Variants in GCSAML observed in about 807,000 individuals in gnomAD.
GCSAML encodes the protein germinal center-associated signaling and motility-like protein.
In GCSAML, 9 loss-of-function variants were observed where a neutral mutation model predicts 13.0. The observed-to-expected ratio is 0.69, with a 90% CI of 0.42 to 1.21. The LOEUF (loss-of-function observed/expected upper bound fraction) is 1.21. GCSAML is among the 50% of genes most tolerant of loss of function. The pLI is 0.00. For missense variants in GCSAML, 143 were observed against 153.4 expected (o/e 0.93, Z 0.36); for synonymous variants, 37 against 52.9 (o/e 0.70, Z 1.31).
At chr1:247,522,111 C>A (rs1217414067) in intron 1 of GCSAML, among the ~76,000 whole-genome samples, 2 of 151,856 alleles carry the variant, frequency 1.3e-5, no homozygotes, top group African/African-American at 2.4e-5. Flanking sequence ...TGGCAGCCGC[C>A]CCGTCTGAGA....
At chr1:247,531,687 T>C (rs990767156) in intron 2 of GCSAML, 1 of 1,614,016 alleles carries the variant, frequency 6.2e-7, no homozygotes, top group Non-Finnish European at 8.5e-7. Context: ...AGAACAGAGC[T>C]ATGAACTTGC....
At position 247,560,400 on chromosome 1, in the gene GCSAML, G is replaced by A. The variant is rs547928216; in HGVS notation, c.90-3190G>A. ...TGGAGAGTAATACAGTTCTTGGATCGTATCTTTCTCCTCACAACTTAGTGA... is the reference window on the plus strand; with the variant it reads ...TGGAGAGTAATACAGTTCTTGGATCATATCTTTCTCCTCACAACTTAGTGA... On this transcript the variant is annotated intron_variant, in intron 2 of 4. Transcript: ENST00000366488. 3.1e-4 allele frequency among the ~76,000 whole-genome samples: 47 copies of A among 152,212 alleles called. 1 individual carries two copies. The Middle Eastern group carries it at 0.024, about 77-fold the overall frequency.
At chr1:247,563,044 C>G (rs370298624) in intron 2 of GCSAML, among the ~76,000 whole-genome samples, 1 of 145,264 alleles carries the variant, frequency 6.9e-6, no homozygotes, top group Non-Finnish European at 1.5e-5. Flanking sequence ...GAGACGGGGT[C>G]TCACCGTGTT....
chr1:247,525,908 A>AT (rs1666664349), intron 1 of GCSAML: 1 of 152,186 alleles, frequency 6.6e-6, no homozygotes, highest in Non-Finnish European at 1.5e-5. Context: ...GAATCCAAGG[A>AT]TTTTAGTAGT....
intron 1 of GCSAML, among the ~76,000 whole-genome samples, chr1:247,514,497 G>A (rs752221788): frequency 2.0e-5 from 3 of 152,034 alleles, no homozygotes; most frequent in Non-Finnish European, 4.4e-5. Context: ...ATTTATCTTT[G>A]TTTTTGTTCC....
At chr1:247,522,636 C>G (rs1367930162) in intron 1 of GCSAML, among the ~76,000 whole-genome samples, 1 of 152,190 alleles carries the variant, frequency 6.6e-6, no homozygotes, top group Non-Finnish European at 1.5e-5. Flanking sequence ...CTCTCTGAAA[C>G]ATGTGCTGTG....
intron 2 of GCSAML, among the ~76,000 whole-genome samples, chr1:247,539,336 A>G (rs1162341541): frequency 1.3e-5 from 2 of 152,190 alleles, no homozygotes; most frequent in Non-Finnish European, 2.9e-5. Context: ...AGTTTTGGGC[A>G]CTGTGACATC....
intron 1 of GCSAML, among the ~76,000 whole-genome samples, chr1:247,516,020 A>G (rs1666198204): frequency 6.6e-6 from 1 of 152,194 alleles, no homozygotes; most frequent in Non-Finnish European, 1.5e-5. Flanking sequence ...TTAGGGTATG[A>G]TGTTTAGGCT....
At chr1:247,536,327 T>G (rs1667215870) in intron 2 of GCSAML, 1 of 152,194 alleles carries the variant, frequency 6.6e-6, no homozygotes. Flanking sequence ...CTGCAAATAG[T>G]GGAAATCTCT....
rs761829714 is a variant in GCSAML at position 247,532,054 on chromosome 1, C to T, written c.-148+5000C>T. 8 of 1,613,730 alleles carry T rather than the reference C, an allele frequency of 5.0e-6. No individual in the cohort carries two copies. In the Admixed American group the frequency reaches 8.3e-5, roughly 17 times the overall value. ...GGAGCCCACCATGCTGGTGGTCAGA[C>T]CCCCCAGCCAGGAGGCCAAAGCTAG... On this transcript the variant is annotated intron_variant, in intron 2 of 5. Coordinates refer to the GCSAML transcript ENST00000366489.
At chr1:247,567,001 C>T (rs1190681639) in intron 4 of GCSAML, among the ~76,000 whole-genome samples, 1 of 151,614 alleles carries the variant, frequency 6.6e-6, no homozygotes, top group East Asian at 1.9e-4. Flanking sequence ...TAGCATCCTT[C>T]TTTTCTCTTT....
chr1:247,553,468 G>A (rs2103040948), intron 1 of GCSAML, among the ~76,000 whole-genome samples: 1 of 152,066 alleles, frequency 6.6e-6, no homozygotes, highest in East Asian at 1.9e-4. Context: ...TCATTTTCTT[G>A]TAACTGATCA....
chr1:247,539,951 A>G (rs1452017210), intron 2 of GCSAML, among the ~76,000 whole-genome samples: 3 of 151,656 alleles, frequency 2.0e-5, no homozygotes, highest in South Asian at 4.2e-4. Context: ...CCCACTTCCC[A>G]CCACTTCTCC....
At chr1:247,537,376 C>T (rs1572329071) in intron 2 of GCSAML, among the ~76,000 whole-genome samples, 1 of 152,142 alleles carries the variant, frequency 6.6e-6, no homozygotes, top group South Asian at 2.1e-4. Context: ...TGTTGACAGA[C>T]ATTTGGGTTA....
chr1:247,536,647 A>C (rs977234913), intron 2 of GCSAML, among the ~76,000 whole-genome samples: 12 of 152,174 alleles, frequency 7.9e-5, no homozygotes, highest in African/African-American at 2.9e-4. Flanking sequence ...GGAGGGAAAA[A>C]AGCTTTTGGG....
At position 247,512,773 on chromosome 1, in the gene GCSAML, T is replaced by C. The variant is rs549208617; in HGVS notation, c.-263+5540T>C. ...TCCTTCTAACAGTCAGGCTCCTCTATTGCAGATCTGCTGGAGTTTGCTGGG... is the reference window on the plus strand; with the variant it reads ...TCCTTCTAACAGTCAGGCTCCTCTACTGCAGATCTGCTGGAGTTTGCTGGG... On this transcript the variant is annotated intron_variant, in intron 1 of 5. Transcript: ENST00000366489. 1.8e-3 allele frequency among the ~76,000 whole-genome samples: 269 copies of C among 152,272 alleles called. 1 individual carries two copies. Among genetic ancestry groups the C allele is most frequent in the Non-Finnish European group, 2.9e-3 (194 of 68,018 alleles).
intron 1 of GCSAML, among the ~76,000 whole-genome samples, chr1:247,518,944 A>AC (rs1224192566): frequency 6.6e-6 from 1 of 151,970 alleles, no homozygotes; most frequent in African/African-American, 2.4e-5. Context: ...AGCTCTAATC[A>AC]CACCACTGCA....
chr1:247,518,986 C>A (rs1666323050), intron 1 of GCSAML, among the ~76,000 whole-genome samples: 1 of 151,496 alleles, frequency 6.6e-6, no homozygotes. Flanking sequence ...AAAACCCTAT[C>A]TCTAAAAAAA....
intron 2 of GCSAML, chr1:247,533,839 G>A (rs1667110025): frequency 6.6e-6 from 1 of 152,180 alleles, no homozygotes; most frequent in Non-Finnish European, 1.5e-5. Context: ...GTTGATTTCT[G>A]TGAAATTTCA....
Sources: allele counts gnomAD v4.1 joint callset (sites outside exome capture counted in the v4.1 genomes callset), GRCh38; gene constraint gnomAD v4.1.1; transcripts MANE v1.5; gene names NCBI Gene and HGNC (gene_info 2026-07-23, HGNC 2026-07-21).